The following RBM28 variants were observed in gnomAD, a reference collection of about 807,000 sequenced individuals.
RBM28 encodes RNA-binding protein 28.
Under a neutral mutation model 98.3 loss-of-function variants are expected in RBM28, and 78 were observed. The observed-to-expected ratio is 0.79, with a 90% confidence interval of 0.66 to 0.96. The LOEUF is 0.96. Among genes scored for constraint, RBM28 ranks in the 40% least tolerant of loss-of-function variants. The pLI, the probability that RBM28 is intolerant of heterozygous loss-of-function variation, is 0.00. For missense variants in RBM28, 838 were observed against 913.0 expected (o/e 0.92, Z 1.06); for synonymous variants, 306 against 330.9 (o/e 0.92, Z 0.82).
In RBM28 at chr7:128,339,777, G is replaced by C. The variant is rs763469580; in HGVS notation, c.133C>G (p.Arg45Gly). The change falls in exon 2 of 19, where the codon CGA becomes GGA. Residue 45 changes from arginine (R) to glycine (G), a missense_variant. By Grantham distance (125) the Arg-to-Gly change is moderately radical. Coordinates refer to ENST00000223073, the MANE Select transcript of RBM28 (RefSeq NM_018077.3). ...GAAAAAGTGACATAGCCAAAGCCTC[G>C]ACATGCCTTACTCCCTGGAATAATG... ...VVTEKGSKACRGFGYVTFSML... is the reference protein window; with the variant it reads ...VVTEKGSKACGGFGYVTFSML... 18 of 1,613,966 alleles carry C rather than the reference G, an allele frequency of 1.1e-5. No homozygotes were observed. Among genetic ancestry groups the C allele is most frequent in the East Asian group, 2.2e-5 (1 of 44,882 alleles).
chr7:128,318,079 C>T lies in RBM28; in HGVS notation c.1591G>A (p.Val531Ile). The T allele has an allele frequency of 6.2e-7, 1 of 1,613,438 alleles. No individual in the cohort carries two copies. Among genetic ancestry groups the T allele is most frequent in the Non-Finnish European group, 8.5e-7 (1 of 1,179,360 alleles). Reference sequence around the variant, plus strand: ...GACTGACCCTTCATGTTCCCATGAACTCCTTTGAGGTCTCGCATCACTCTA... The same window carrying T: ...GACTGACCCTTCATGTTCCCATGAATTCCTTTGAGGTCTCGCATCACTCTA... The part of the protein sequence containing the change: ...ECRVMRDLKG[V>I]HGNMKGQSLG... The change falls in exon 15 of 19, where the codon GTT (valine) becomes ATT (isoleucine). Residue 531 changes from valine to isoleucine, a missense_variant. By Grantham distance (29) the Val-to-Ile change is conservative. Transcript: ENST00000223073.
chr7:128,338,190 C>T (rs1330300569), intron 5 of RBM28, 60 bp downstream of exon 5: 9 of 1,292,822 alleles, frequency 7.0e-6, no homozygotes, highest in Non-Finnish European at 1.0e-5. Flanking sequence ...TGGGTTACTA[C>T]ACTAATTCAC....
At chr7:128,330,317 G>A (rs111498343) in intron 10 of RBM28, among the ~76,000 whole-genome samples, 2,211 of 148,488 alleles carry the variant, frequency 0.015, 53 homozygotes, top group African/African-American at 0.052. Context: ...ATGGCTAGCA[G>A]CACCATTAAA....
rs190068061 is a variant in RBM28 at position 128,325,906 on chromosome 7, A to T, written c.1130-15T>A. On this transcript the variant is annotated splice_polypyrimidine_tract_variant and intron_variant, in intron 10 of 18. Transcript: ENST00000223073. ...AAATGCACAACCTGCACAAGGAGAC[A>T]CAATTCAGTGAGATCCCAAACTCCC... 7.6e-5 allele frequency: 123 copies of T among 1,608,872 alleles called. 1 individual carries two copies. The African/African-American group carries it at 1.3e-3, about 17-fold the overall frequency.
chr7:128,323,251 G>T (rs1796274721), intron 13 of RBM28, among the ~76,000 whole-genome samples: 1 of 152,176 alleles, frequency 6.6e-6, no homozygotes, highest in African/African-American at 2.4e-5. Flanking sequence ...ACTGCATGAT[G>T]TAGCAGCATG....
intron 17 of RBM28, among the ~76,000 whole-genome samples, chr7:128,313,842 T>C (rs1279466310): frequency 6.6e-6 from 1 of 152,210 alleles, no homozygotes; most frequent in Non-Finnish European, 1.5e-5. Flanking sequence ...CCATGTGATG[T>C]GCCAGCTCCC....
chr7:128,323,039 G>A (rs147287548), intron 13 of RBM28, among the ~76,000 whole-genome samples: 101 of 152,138 alleles, frequency 6.6e-4, no homozygotes, highest in African/African-American at 2.3e-3. Flanking sequence ...GGTTAACATC[G>A]GAAACATCCA....
At position 128,331,673 on chromosome 7, in the gene RBM28, G is replaced by GCTTTCT. The variant is rs1266209839; in HGVS notation, c.1020-746_1020-745insAGAAAG. Among the ~76,000 whole-genome samples the GCTTTCT allele has an allele frequency of 5.9e-5, 9 of 151,536 alleles. No individual in the cohort carries two copies. In the East Asian group the frequency reaches 1.7e-3, roughly 29 times the overall value. ...AAGCAAATACAGTAAAATTTACTAA[G>GCTTTCT]TTCAAAAAAAGACAACTACTTACTT... On this transcript the variant is annotated intron_variant, in intron 9 of 18. Transcript: ENST00000223073.
intron 13 of RBM28, 28 bp from the exon 14 acceptor site, chr7:128,321,452 A>C: frequency 1.9e-6 from 3 of 1,613,672 alleles, no homozygotes; most frequent in Non-Finnish European, 2.5e-6. Flanking sequence ...GGTTAACAGT[A>C]CAACCCACTC....
intron 12 of RBM28, 116 bp from the exon 13 acceptor site, chr7:128,323,707 G>T: frequency 8.4e-7 from 1 of 1,187,988 alleles, no homozygotes; most frequent in Non-Finnish European, 1.2e-6. Context: ...GACTATCTTG[G>T]CCAGGACACG....
intron 17 of RBM28, among the ~76,000 whole-genome samples, chr7:128,314,118 G>A (rs556550092): frequency 4.6e-5 from 7 of 151,996 alleles, no homozygotes; most frequent in East Asian, 1.9e-4. Flanking sequence ...GCCCGCCACC[G>A]CACCCAGCTA....
At chr7:128,320,110 G>A (rs374258939) in intron 14 of RBM28, among the ~76,000 whole-genome samples, 1 of 151,646 alleles carries the variant, frequency 6.6e-6, no homozygotes, top group African/African-American at 2.4e-5. Flanking sequence ...CCAGCTACTC[G>A]GGAAGCTGAG....
chr7:128,303,414 A>C lies in RBM28; in HGVS notation c.*7383T>G, dbSNP rs1795807550. ...CTTGCTGTGAAGGTCACCTGAGATA[A>C]GAGACGTGAAAGGATGCTGAAGATG... On this transcript the variant is annotated 3_prime_UTR_variant, in exon 19 of 19. Transcript: ENST00000223073. 6.6e-6 allele frequency: 1 copy of C among 152,240 alleles called. No individual in the cohort carries two copies. Among genetic ancestry groups the C allele is most frequent in the Non-Finnish European group, 1.5e-5 (1 of 68,072 alleles). The allele number at this position is 152,240 out of a possible 1,614,324, so 9.4% of individuals were successfully genotyped here.
chr7:128,335,497 G>T, intron 8 of RBM28, 46 bp downstream of exon 8: 1 of 1,612,048 alleles, frequency 6.2e-7, no homozygotes. Context: ...CGTAACTTCA[G>T]TAACTTTTTT....
At chr7:128,337,894 G>A (rs1796636714) in intron 5 of RBM28, among the ~76,000 whole-genome samples, 1 of 152,074 alleles carries the variant, frequency 6.6e-6, no homozygotes, top group African/African-American at 2.4e-5. Context: ...TACTTGATAA[G>A]TCAATATATA....
Position 128,333,159 on chromosome 7 carries a change from T to TG in RBM28, c.1019+130dup, listed in dbSNP as rs894173574. On this transcript the variant is annotated intron_variant, in intron 9 of 18. Transcript: ENST00000223073. ...GTCCTACATTTCTCATTGTTTAGTATGTTCCTGGGACCAGATGTGCTTGAT... is the reference window on the plus strand; with the variant it reads ...GTCCTACATTTCTCATTGTTTAGTATGGTTCCTGGGACCAGATGTGCTTGAT... 126 of 736,522 alleles carry TG rather than the reference T, an allele frequency of 1.7e-4. No individual in the cohort carries two copies. The African/African-American group carries it at 2.1e-3, about 12-fold the overall frequency. The allele number at this position is 736,522 out of a possible 1,614,324, so 45.6% of individuals were successfully genotyped here. A position where few individuals can be genotyped will look rare whatever the true frequency, so the allele number is the denominator to read the frequency against.
rs1795783765 is a variant in RBM28, at chr7:128,301,685, G to A, written c.*9112C>T. On this transcript the variant is annotated 3_prime_UTR_variant, in exon 19 of 19. Coordinates refer to ENST00000223073, the MANE Select transcript of RBM28 (RefSeq NM_018077.3). ...GTCACTGAGGGCCTCAAACCCCAGA[G>A]GCTCTGTGGCAGGCACCTGGGAGCC... The A allele has an allele frequency of 6.6e-6, 1 of 152,432 alleles. No homozygotes were observed. Among genetic ancestry groups the A allele is most frequent in the Admixed American group, 6.5e-5 (1 of 15,288 alleles). The allele number at this position is 152,432 out of a possible 1,614,324, so 9.4% of individuals were successfully genotyped here.
At chr7:128,337,316 C>A in intron 5 of RBM28, 114 bp from the exon 6 acceptor site, 1 of 990,200 alleles carries the variant, frequency 1.0e-6, no homozygotes, top group South Asian at 1.3e-5. Context: ...AAGAAACTGC[C>A]AATTCAGGGA....
At position 128,335,546 on chromosome 7, in the gene RBM28, T is replaced by G; in HGVS notation, c.943A>C (p.Lys315Gln). 1 of 1,614,212 alleles carries G rather than the reference T, an allele frequency of 6.2e-7. No individual in the cohort carries two copies. The highest frequency in any genetic ancestry group is 8.5e-7 in the Non-Finnish European group (1 of 1,180,028). Residue 315 changes from lysine (K) to glutamine (Q), a missense_variant, in exon 8 of 19, where the codon AAA (lysine) becomes CAA (glutamine). Physicochemically the swap from Lys to Gln is moderately conservative, Grantham distance 53. Coordinates refer to ENST00000223073, the MANE Select transcript of RBM28 (RefSeq NM_018077.3). ...ATTTATGAAAATCCAAACAAACCTT[T>G]ATCCTCTTGCTCCTCAGTGCTGGTA... is the stretch of plus-strand genomic sequence containing the variant. ...SDTSTEEQED[K>Q]AVQVSNKKKR...
Sources: gnomAD v4.1 joint callset for allele counts (sites outside exome capture counted in the v4.1 genomes callset) on GRCh38, gnomAD v4.1.1 for gene constraint, MANE v1.5 for transcripts, NCBI Gene and HGNC (gene_info 2026-07-23, HGNC 2026-07-21) for gene names.